TTC8: variants seen among roughly 807,000 people sequenced by gnomAD.
TTC8 encodes tetratricopeptide repeat protein 8.
A neutral mutation model predicts 72.5 loss-of-function variants in TTC8; 47 were observed. The ratio of observed to expected loss-of-function variants is 0.65; its 90% CI spans 0.51 to 0.83. The LOEUF (loss-of-function observed/expected upper bound fraction) is 0.83, where lower values mean the gene tolerates loss of function less well. TTC8 is among the 40% of genes least tolerant of loss of function. The pLI is 0.00. For synonymous variants in TTC8, 199 were observed against 221.4 expected, an observed-to-expected ratio of 0.90 and a Z score of 0.90; for missense variants, 611 against 623.2, an observed-to-expected ratio of 0.98 and a Z score of 0.21.
chr14:88,876,959 A>G (rs1157673440), intron 14 of TTC8, among the ~76,000 whole-genome samples: 1 of 152,202 alleles, frequency 6.6e-6, no homozygotes, highest in Non-Finnish European at 1.5e-5. Flanking sequence ...TACGTTTATA[A>G]TACTATCATC....
intron 1 of TTC8, 75 bp from the exon 2 acceptor site, chr14:88,833,618 G>T: frequency 7.6e-7 from 1 of 1,313,288 alleles, no homozygotes; most frequent in Admixed American, 1.7e-5. Flanking sequence ...ACAAATACTT[G>T]GTTGGTCCTT....
rs183070313 is a variant in TTC8, at chr14:88,857,080, C to T, written c.711-110C>T. ...TAATTTATGTGTATGTGCAACATTA[C>T]CTTCCTTGGTATGTGCTTCCTCTTA... On this transcript the variant is annotated intron_variant, in intron 8 of 14. Coordinates refer to ENST00000380656, the MANE Select transcript of TTC8 (RefSeq NM_144596.4). 14 of 943,300 alleles carry T rather than the reference C, an allele frequency of 1.5e-5. No homozygotes were observed. The East Asian group carries it at 1.9e-4, about 13-fold the overall frequency. The allele number at this position is 943,300 out of a possible 1,614,324, so 58.4% of individuals were successfully genotyped here. A position where few individuals can be genotyped will look rare whatever the true frequency, so the allele number is the denominator to read the frequency against.
At chr14:88,858,837 A>G (rs2094870098) in intron 9 of TTC8, among the ~76,000 whole-genome samples, 3 of 146,986 alleles carry the variant, frequency 2.0e-5, no homozygotes, top group South Asian at 4.3e-4. Context: ...CCTGGCCTCA[A>G]GCGATCCTCT....
At chr14:88,844,201 A>G (rs1381585095) in intron 7 of TTC8, among the ~76,000 whole-genome samples, 1 of 152,228 alleles carries the variant, frequency 6.6e-6, no homozygotes, top group Non-Finnish European at 1.5e-5. Flanking sequence ...AGGTTTACTA[A>G]CATGCATATT....
chr14:88,877,251 T>C (rs770946093), intron 14 of TTC8, 43 bp from the exon 15 acceptor site: 2 of 1,472,048 alleles, frequency 1.4e-6, no homozygotes, highest in Non-Finnish European at 1.9e-6. Flanking sequence ...TACTCATTTT[T>C]TTCTGATCTC....
At chr14:88,824,619 T>A, upstream of TTC8, 1 of 1,101,470 alleles carries the variant, frequency 9.1e-7, no homozygotes, top group Non-Finnish European at 1.3e-6. Context: ...CGTCGCGGGT[T>A]GCCGGGCAGA....
At chr14:88,834,809 A>G (rs960274237) in intron 2 of TTC8, among the ~76,000 whole-genome samples, 1 of 152,204 alleles carries the variant, frequency 6.6e-6, no homozygotes, top group African/African-American at 2.4e-5. Flanking sequence ...AATTTAAAAC[A>G]TCAATAATTT....
At chr14:88,833,121 C>G (rs956617453) in intron 1 of TTC8, among the ~76,000 whole-genome samples, 6 of 152,082 alleles carry the variant, frequency 3.9e-5, no homozygotes, top group Admixed American at 6.5e-5. Flanking sequence ...AGTACTTTCC[C>G]CAGTAAAACA....
intron 1 of TTC8, among the ~76,000 whole-genome samples, chr14:88,827,554 G>A (rs2094707115): frequency 1.3e-5 from 2 of 152,182 alleles, no homozygotes; most frequent in Admixed American, 6.5e-5. Flanking sequence ...CATCTTACCA[G>A]AGTTAGGTTT....
chr14:88,880,976 T>A (rs1221873352), downstream of TTC8: 1 of 152,352 alleles, frequency 6.6e-6, no homozygotes, highest in Admixed American at 6.5e-5. Context: ...TTGAAATGTT[T>A]ATTATATATG....
At chr14:88,875,493 G>A (rs1339755153) in intron 14 of TTC8, among the ~76,000 whole-genome samples, 4 of 152,148 alleles carry the variant, frequency 2.6e-5, no homozygotes, top group Non-Finnish European at 5.9e-5. Context: ...TACAATTGCT[G>A]TAAAATTAGT....
intron 2 of TTC8, among the ~76,000 whole-genome samples, chr14:88,836,490 T>TAA (rs5810432): frequency 2.0e-4 from 27 of 134,364 alleles, no homozygotes; most frequent in African/African-American, 6.0e-4. Flanking sequence ...GAGCCTGTCT[T>TAA]AAAAAAAAAA....
intron 7 of TTC8, among the ~76,000 whole-genome samples, chr14:88,845,997 G>T (rs140205976): frequency 7.2e-5 from 11 of 151,904 alleles, no homozygotes; most frequent in Non-Finnish European, 1.2e-4. Flanking sequence ...TTGGATGGAG[G>T]GGGGAGTGGT....
chr14:88,859,883 T>TATATAATATAAATATATTATATAA (rs1566850295), intron 9 of TTC8, among the ~76,000 whole-genome samples: 2 of 119,274 alleles, frequency 1.7e-5, no homozygotes, highest in East Asian at 2.3e-4. Context: ...ATATTATATA[T>TATATAATATAAATATATTATATAA]TATATAATAT....
In TTC8 at chr14:88,838,093, A is replaced by G. The variant is rs118033631; in HGVS notation, c.145-1359A>G. ...ACCTAAATATGTTGTAGAGGCAGCCATCTTTATTCCCATTAAAATGAACGC... is the reference window on the plus strand; with the variant it reads ...ACCTAAATATGTTGTAGAGGCAGCCGTCTTTATTCCCATTAAAATGAACGC... On this transcript the variant is annotated intron_variant, in intron 2 of 14. Transcript: ENST00000380656. Among the ~76,000 whole-genome samples, 28 of 152,332 alleles carry G rather than the reference A, an allele frequency of 1.8e-4. No individual in the cohort carries two copies. In the East Asian group the frequency reaches 3.7e-3, roughly 20 times the overall value.
At chr14:88,836,735 A>G (rs1345297619) in intron 2 of TTC8, among the ~76,000 whole-genome samples, 3 of 152,176 alleles carry the variant, frequency 2.0e-5, no homozygotes, top group Non-Finnish European at 4.4e-5. Context: ...AACCAACTAT[A>G]TAAATGCTGC....
At chr14:88,825,327 T>C (rs2094694352) in intron 1 of TTC8, among the ~76,000 whole-genome samples, 1 of 152,170 alleles carries the variant, frequency 6.6e-6, no homozygotes, top group South Asian at 2.1e-4. Flanking sequence ...TGAGTTTAGC[T>C]TGAGGCAAAT....
intron 1 of TTC8, among the ~76,000 whole-genome samples, chr14:88,832,993 G>A (rs1311094703): frequency 1.3e-5 from 2 of 152,124 alleles, no homozygotes; most frequent in Non-Finnish European, 2.9e-5. Context: ...CTTGCATGGT[G>A]ACCATATGGT....
chr14:88,840,731 A>G (rs2094776206), intron 3 of TTC8, 134 bp from the exon 4 acceptor site: 1 of 840,458 alleles, frequency 1.2e-6, no homozygotes, highest in Non-Finnish European at 2.0e-6. Context: ...TCTAAAACAC[A>G]TCTCCCTAAA....
Sources: gnomAD v4.1 joint callset for allele counts (sites outside exome capture counted in the v4.1 genomes callset) on GRCh38, gnomAD v4.1.1 for gene constraint, MANE v1.5 for transcripts, NCBI Gene and HGNC (gene_info 2026-07-23, HGNC 2026-07-21) for gene names.